ZNF684: variants seen among roughly 807,000 people sequenced by gnomAD.
The protein encoded by ZNF684 is hypothetical protein MGC27466.
A neutral mutation model predicts 12.8 loss-of-function variants in ZNF684; 13 were observed. The observed-to-expected ratio is 1.02, with a 90% CI of 0.66 to 1.62. ZNF684 has a LOEUF of 1.62. Ranked by LOEUF, ZNF684 falls within the 40% of genes most tolerant of loss-of-function variation. The pLI, the probability that ZNF684 is intolerant of heterozygous loss-of-function variation, is 0.00. For missense variants in ZNF684, 384 were observed against 446.9 expected (o/e 0.86, Z 1.27); for synonymous variants, 118 against 151.8 (o/e 0.78, Z 1.64).
At chr1:40,538,228 A>G (rs1645995476) in intron 2 of ZNF684, among the ~76,000 whole-genome samples, 1 of 151,964 alleles carries the variant, frequency 6.6e-6, no homozygotes, top group Admixed American at 6.6e-5. Flanking sequence ...CCTGGGCTCA[A>G]GTGATCTGCC....
At chr1:40,534,235 A>G (rs964241404) in intron 2 of ZNF684, among the ~76,000 whole-genome samples, 1 of 128,156 alleles carries the variant, frequency 7.8e-6, no homozygotes, top group Non-Finnish European at 1.6e-5. Flanking sequence ...CTTTTATTAT[A>G]ATTTTTTTTT....
chr1:40,543,172 T>C (rs1434705234), intron 4 of ZNF684, among the ~76,000 whole-genome samples: 2 of 152,340 alleles, frequency 1.3e-5, no homozygotes, highest in East Asian at 3.9e-4. Flanking sequence ...CTCAGCTGAA[T>C]TTTAATTACT....
At chr1:40,539,173 G>A (rs931227641) in intron 2 of ZNF684, among the ~76,000 whole-genome samples, 2 of 152,092 alleles carry the variant, frequency 1.3e-5, no homozygotes, top group South Asian at 4.2e-4. Flanking sequence ...GAGACTACAG[G>A]CGCATGCCAC....
chr1:40,547,248 G>T lies in ZNF684; in HGVS notation c.925G>T (p.Gly309Cys). ...GTGTATCATATGTGGCAAAGCTTTT[G>T]GCAACACATCCGTGCTTGTTACACA... ...YQCIICGKAF[G>C]NTSVLVTHQR... The change falls in exon 5 of 5, where the codon GGC (glycine) becomes TGC (cysteine). Residue 309 changes from glycine (G) to cysteine (C), a missense_variant. Physicochemically the swap from Gly to Cys is radical, Grantham distance 159 (BLOSUM62 -3). Coordinates refer to ENST00000372699, the MANE Select transcript of ZNF684 (RefSeq NM_152373.4). 1 of 1,614,050 alleles carries T rather than the reference G, an allele frequency of 6.2e-7. No homozygotes were observed. The highest frequency in any genetic ancestry group is 2.2e-5 in the East Asian group (1 of 44,884).
Position 40,547,711 on chromosome 1 carries a change from G to A in ZNF684, c.*251G>A, listed in dbSNP as rs1362999794. 1 of 274,154 alleles carries A rather than the reference G, an allele frequency of 3.6e-6. No individual in the cohort carries two copies. The highest frequency in any genetic ancestry group is 2.2e-5 in the African/African-American group (1 of 45,280). 17.0% of individuals were successfully genotyped at this position (274,154 alleles called of 1,614,324 possible). A position where few individuals can be genotyped will look rare whatever the true frequency, so the allele number is the denominator to read the frequency against. ...CATAACTTAAAAAATCAAAGAACCA[G>A]TGAAAACTACATTTGCCATTCCTGA... On this transcript the variant is annotated 3_prime_UTR_variant, in exon 5 of 5. Coordinates refer to ENST00000372699, the MANE Select transcript of ZNF684 (RefSeq NM_152373.4).
At chr1:40,545,915 C>CCTTTTTTTTTTTTTTTTTT (rs1557613390) in intron 4 of ZNF684, among the ~76,000 whole-genome samples, 1 of 67,906 alleles carries the variant, frequency 1.5e-5, no homozygotes, top group Admixed American at 2.0e-4. Flanking sequence ...GTCTCCTTTT[C>CCTTTTTTTTTTTTTTTTTT]TTTTTTTTTT....
intron 2 of ZNF684, among the ~76,000 whole-genome samples, 169 bp from the exon 3 acceptor site, chr1:40,540,417 T>C (rs79613814): frequency 1.5e-3 from 226 of 152,336 alleles, no homozygotes; most frequent in African/African-American, 5.3e-3. Context: ...TTTAATAAGA[T>C]TTTTCTTACT....
chr1:40,538,825 A>AAAAAC (rs1645999030), intron 2 of ZNF684, among the ~76,000 whole-genome samples: 1 of 149,882 alleles, frequency 6.7e-6, no homozygotes, highest in Non-Finnish European at 1.5e-5. Context: ...TCCATCTCAA[A>AAAAAC]AAACAAACAA....
At chr1:40,532,411 A>G (rs1645962879) in intron 1 of ZNF684, among the ~76,000 whole-genome samples, 1 of 140,594 alleles carries the variant, frequency 7.1e-6, no homozygotes, top group Non-Finnish European at 1.5e-5. Context: ...AGTTGGGTTT[A>G]TTCTCCTGAA....
chr1:40,543,646 C>T (rs980420354), intron 4 of ZNF684, among the ~76,000 whole-genome samples: 3 of 152,034 alleles, frequency 2.0e-5, no homozygotes, highest in African/African-American at 2.4e-5. Context: ...TTAGTAGAGA[C>T]GGGGTTTCAC....
chr1:40,545,322 A>AT lies in ZNF684; in HGVS notation c.239-1231dup, dbSNP rs971637996. Reference sequence around the variant, plus strand: ...GGGGAATTATGACCCCCTCTCCCCAATTTTTTTTTGATGGGAACAGATTTG... The same window carrying AT: ...GGGGAATTATGACCCCCTCTCCCCAATTTTTTTTTTGATGGGAACAGATTTG... On this transcript the variant is annotated intron_variant, in intron 4 of 4. Coordinates refer to ENST00000372699, the MANE Select transcript of ZNF684 (RefSeq NM_152373.4). Among the ~76,000 whole-genome samples the AT allele has an allele frequency of 4.0e-5, 6 of 151,486 alleles. No individual in the cohort carries two copies. In the East Asian group the frequency reaches 5.8e-4, roughly 15 times the overall value.
At chr1:40,539,666 T>C (rs1242639857) in intron 2 of ZNF684, among the ~76,000 whole-genome samples, 1 of 152,198 alleles carries the variant, frequency 6.6e-6, no homozygotes, top group Non-Finnish European at 1.5e-5. Flanking sequence ...AGTGAAATGC[T>C]GTCTCATTAT....
At chr1:40,537,494 C>CT (rs1250928727) in intron 2 of ZNF684, among the ~76,000 whole-genome samples, 1 of 152,186 alleles carries the variant, frequency 6.6e-6, no homozygotes, top group Admixed American at 6.5e-5. Context: ...AATCCCATCA[C>CT]TTTGGGAGGC....
intron 2 of ZNF684, among the ~76,000 whole-genome samples, chr1:40,537,542 C>T (rs1469818151): frequency 2.0e-5 from 3 of 152,068 alleles, no homozygotes; most frequent in Admixed American, 1.3e-4. Context: ...GAGTTAGAGA[C>T]TATCCTGGCC....
intron 2 of ZNF684, among the ~76,000 whole-genome samples, chr1:40,534,519 G>A (rs929961944): frequency 6.6e-6 from 1 of 150,934 alleles, no homozygotes; most frequent in African/African-American, 2.4e-5. Context: ...GGGATTATAG[G>A]CATGAGCCAC....
In ZNF684 at chr1:40,540,705, C is replaced by T. The variant is rs1402121949; in HGVS notation, c.135C>T (p.Ile45=). 1 of 1,603,574 alleles carries T rather than the reference C, an allele frequency of 6.2e-7. No homozygotes were observed. Among genetic ancestry groups the T allele is most frequent in the African/African-American group, 1.3e-5 (1 of 74,298 alleles). ...DVMLENYRNL[I]SVGCPITKTK... ...TGTTGGAGAACTATAGAAACCTCAT[C>T]TCAGTGGGTAAGGACAATGAGTGGT... Residue 45 remains isoleucine (I), a synonymous_variant, in exon 3 of 5, where the codon ATC becomes ATT. Transcript: ENST00000372699.
rs571485727 is a variant in ZNF684 at position 40,546,764 on chromosome 1, T to A, written c.441T>A (p.Leu147=). 2.0e-5 allele frequency: 33 copies of A among 1,612,950 alleles called. 1 individual carries two copies. The South Asian group carries it at 3.6e-4, about 18-fold the overall frequency. ...EKCLPPNLDL[L]KYNRSYTVEN... ...GTTTGCCACCTAATTTAGACTTACT[T>A]AAATATAATAGAAGTTATACTGTAG... The change falls in exon 5 of 5, where the codon CTT becomes CTA. Residue 147 remains leucine (L), a synonymous_variant. Transcript: ENST00000372699.
chr1:40,547,000 A>G lies in ZNF684; in HGVS notation c.677A>G (p.His226Arg), dbSNP rs1334133293. 2.5e-6 allele frequency: 4 copies of G among 1,614,122 alleles called. No homozygotes were observed. Among genetic ancestry groups the G allele is most frequent in the Non-Finnish European group, 3.4e-6 (4 of 1,179,956 alleles). The change falls in exon 5 of 5, where the codon CAT becomes CGT. Residue 226 changes from histidine to arginine, a missense_variant. Transcript: ENST00000372699. ...VCNDCGKAFM[H>R]KAQLVVHQRL... Reference sequence around the variant, plus strand: ...AATGATTGTGGGAAGGCGTTTATGCATAAAGCCCAACTCGTGGTCCACCAG... The same window carrying G: ...AATGATTGTGGGAAGGCGTTTATGCGTAAAGCCCAACTCGTGGTCCACCAG...
At chr1:40,541,486 G>A (rs1297282074) in intron 3 of ZNF684, 129 bp from the exon 4 acceptor site, 3 of 685,780 alleles carry the variant, frequency 4.4e-6, no homozygotes, top group East Asian at 6.0e-5. Context: ...CCCAGCCTGG[G>A]TCTGTTCTGT....
Sources: gnomAD v4.1 joint callset for allele counts (sites outside exome capture counted in the v4.1 genomes callset) on GRCh38, gnomAD v4.1.1 for gene constraint, MANE v1.5 for transcripts, NCBI Gene and HGNC (gene_info 2026-07-23, HGNC 2026-07-21) for gene names.